Variants in FRMD4A observed in about 807,000 individuals in gnomAD.
The protein encoded by FRMD4A is FERM domain containing 4A.
Under a neutral mutation model 129.1 loss-of-function variants are expected in FRMD4A, and 29 were observed. That is an observed-to-expected ratio of 0.22 (90% confidence interval 0.17 to 0.31). The LOEUF is 0.31. FRMD4A is among the 10% of genes least tolerant of loss of function. The probability of loss-of-function intolerance (pLI) is 1.00; values close to 1 mark genes in which losing one functional copy is unlikely to be tolerated. For synonymous variants in FRMD4A, 634 were observed against 571.6 expected (o/e 1.11, Z -1.56); for missense variants, 1,272 against 1,375.8 (o/e 0.92, Z 1.19).
chr10:13,703,350 T>C (rs1004826972), intron 13 of FRMD4A, among the ~76,000 whole-genome samples: 2 of 152,182 alleles, frequency 1.3e-5, no homozygotes, highest in Non-Finnish European at 2.9e-5. Flanking sequence ...AAGTGAAATA[T>C]TGGCCCAGCC....
At chr10:13,783,811 T>A (rs150619328) in intron 5 of FRMD4A, among the ~76,000 whole-genome samples, 2 of 152,334 alleles carry the variant, frequency 1.3e-5, no homozygotes, top group Non-Finnish European at 2.9e-5. Flanking sequence ...GTGATATGAA[T>A]GCATATTAAG....
intron 2 of FRMD4A, among the ~76,000 whole-genome samples, chr10:14,146,078 C>G (rs1035821263): frequency 6.6e-6 from 1 of 152,146 alleles, no homozygotes; most frequent in African/African-American, 2.4e-5. Context: ...GAAGAAATTA[C>G]TTAACATCTC....
intron 2 of FRMD4A, among the ~76,000 whole-genome samples, chr10:14,238,115 C>A (rs1843895362): frequency 6.6e-6 from 1 of 152,194 alleles, no homozygotes; most frequent in South Asian, 2.1e-4. Flanking sequence ...TTTGACAGAA[C>A]AACAAGGCAC....
intron 2 of FRMD4A, among the ~76,000 whole-genome samples, chr10:13,983,096 G>C (rs1036154240): frequency 6.6e-6 from 1 of 152,112 alleles, no homozygotes; most frequent in Non-Finnish European, 1.5e-5. Flanking sequence ...AACTAGCTGG[G>C]GCTATAGGCG....
chr10:13,875,431 T>C (rs550296894), intron 2 of FRMD4A, among the ~76,000 whole-genome samples: 3 of 152,312 alleles, frequency 2.0e-5, no homozygotes, highest in Admixed American at 6.5e-5. Flanking sequence ...TAAAGGGACA[T>C]AGCAGGCATG....
chr10:13,777,593 G>T (rs553215894), intron 6 of FRMD4A, among the ~76,000 whole-genome samples: 1 of 152,140 alleles, frequency 6.6e-6, no homozygotes, highest in Non-Finnish European at 1.5e-5. Flanking sequence ...GGCTGCAAAG[G>T]TGTCATCACC....
chr10:13,912,615 G>A (rs1190295911), intron 2 of FRMD4A, among the ~76,000 whole-genome samples: 1 of 140,612 alleles, frequency 7.1e-6, no homozygotes, highest in Non-Finnish European at 1.5e-5. Flanking sequence ...TGCAAGCTCC[G>A]CCTCCCGAGT....
intron 2 of FRMD4A, among the ~76,000 whole-genome samples, chr10:14,048,887 GAATAGAATAGAATAGAAAATAA>G (rs1565211133): frequency 3.8e-4 from 37 of 97,508 alleles, no homozygotes; most frequent in African/African-American, 1.5e-3. Flanking sequence ...GAATAGAATA[GAATAGAATAGAATAGAAAATAA>G]AATGAAATAT....
intron 2 of FRMD4A, among the ~76,000 whole-genome samples, chr10:14,145,656 A>T (rs990969400): frequency 6.6e-6 from 1 of 152,232 alleles, no homozygotes; most frequent in African/African-American, 2.4e-5. Context: ...GTTACTGGAT[A>T]TAGAAACCGA....
At chr10:14,310,579 C>A (rs1846512862) in intron 2 of FRMD4A, among the ~76,000 whole-genome samples, 2 of 152,182 alleles carry the variant, frequency 1.3e-5, no homozygotes, top group South Asian at 4.1e-4. Context: ...CCTCCCTTTT[C>A]TTTGTCACCA....
At chr10:13,754,445 T>G (rs1287575988) in intron 8 of FRMD4A, among the ~76,000 whole-genome samples, 1 of 152,214 alleles carries the variant, frequency 6.6e-6, no homozygotes, top group Non-Finnish European at 1.5e-5. Flanking sequence ...TGCTTCAAAT[T>G]TTCACAGATT....
chr10:13,891,619 A>G (rs2094697709), intron 2 of FRMD4A: 3 of 985,082 alleles, frequency 3.0e-6, no homozygotes, highest in Non-Finnish European at 3.6e-6. Flanking sequence ...ACAAAGACAC[A>G]TTACCTTTTA....
At position 14,124,701 on chromosome 10, in the gene FRMD4A, A is replaced by ACAACAAC. The variant is rs1554765433; in HGVS notation, c.45+205356_45+205357insGTTGTTG. Among the ~76,000 whole-genome samples, 839 of 151,704 alleles carry ACAACAAC rather than the reference A, an allele frequency of 5.5e-3. 6 individuals are homozygous for ACAACAAC. Among genetic ancestry groups the ACAACAAC allele is most frequent in the East Asian group, 0.034 (176 of 5,156 alleles). On this transcript the variant is annotated intron_variant, in intron 2 of 24. Coordinates refer to ENST00000357447, the MANE Select transcript of FRMD4A (RefSeq NM_018027.5). Reference sequence around the variant, plus strand: ...AACTACAACAACAACAACAACAACAAAACAAAACAAAAATAAGAATATAAG... The same window carrying ACAACAAC: ...AACTACAACAACAACAACAACAACAACAACAACAACAAAACAAAAATAAGAATATAAG...
At chr10:14,067,400 T>C (rs1244043205) in intron 2 of FRMD4A, among the ~76,000 whole-genome samples, 1 of 152,082 alleles carries the variant, frequency 6.6e-6, no homozygotes, top group East Asian at 1.9e-4. Flanking sequence ...CAGGAAAGAT[T>C]TATTATAACA....
chr10:14,134,994 G>A (rs1185629052), intron 2 of FRMD4A, among the ~76,000 whole-genome samples: 1 of 152,178 alleles, frequency 6.6e-6, no homozygotes, highest in East Asian at 1.9e-4. Context: ...GAGATGTTGA[G>A]GGACTAATTT....
intron 2 of FRMD4A, among the ~76,000 whole-genome samples, chr10:14,316,176 C>T (rs1370518875): frequency 6.6e-6 from 1 of 152,158 alleles, no homozygotes; most frequent in Non-Finnish European, 1.5e-5. Context: ...AGTTGAGGAT[C>T]CCAGGTGTTG....
chr10:14,290,142 T>C (rs1845806157), intron 2 of FRMD4A, among the ~76,000 whole-genome samples: 1 of 152,072 alleles, frequency 6.6e-6, no homozygotes, highest in South Asian at 2.1e-4. Context: ...CTTAATGTTG[T>C]CCAAATGTCC....
intron 24 of FRMD4A, among the ~76,000 whole-genome samples, chr10:13,650,073 TGCAAAGGGTACTG>T (rs1009318943): frequency 2.0e-5 from 3 of 152,202 alleles, no homozygotes; most frequent in Non-Finnish European, 4.4e-5. Flanking sequence ...ATGTGTGGCC[TGCAAAGGGTACTG>T]GCTAAGCCAG....
chr10:13,673,164 T>C (rs1228749893), intron 16 of FRMD4A, among the ~76,000 whole-genome samples: 1 of 152,190 alleles, frequency 6.6e-6, no homozygotes, highest in Non-Finnish European at 1.5e-5. Context: ...CTCATATTTT[T>C]TCCAATCCTT....
Sources: gnomAD v4.1 joint callset for allele counts (sites outside exome capture counted in the v4.1 genomes callset) on GRCh38, gnomAD v4.1.1 for gene constraint, MANE v1.5 for transcripts, NCBI Gene and HGNC (gene_info 2026-07-23, HGNC 2026-07-21) for gene names.